TTBK2: variants seen among roughly 807,000 people sequenced by gnomAD.
The protein encoded by TTBK2 is tau-tubulin kinase 2.
A neutral mutation model predicts 110.8 loss-of-function variants in TTBK2; 28 were observed. The observed-to-expected ratio is 0.25, with a 90% CI of 0.19 to 0.35. The LOEUF is 0.35. Ranked by LOEUF, TTBK2 falls within the 10% of genes least tolerant of loss-of-function variation. The pLI is 1.00. For synonymous variants in TTBK2, 532 were observed against 527.3 expected, an observed-to-expected ratio of 1.01 and a Z score of -0.12; for missense variants, 1,369 against 1,500.3, an observed-to-expected ratio of 0.91 and a Z score of 1.45.
chr15:42,910,808 G>T lies in TTBK2; in HGVS notation c.-68+9630C>A, dbSNP rs142696672. On this transcript the variant is annotated intron_variant, in intron 1 of 14. Transcript: ENST00000267890. Reference sequence around the variant, plus strand: ...TGCCTGTAATCCCAGCACTTTGGGAGGCCGAGACAGGCAGATCACGAGGTG... The same window carrying T: ...TGCCTGTAATCCCAGCACTTTGGGATGCCGAGACAGGCAGATCACGAGGTG... 8.2e-3 allele frequency among the ~76,000 whole-genome samples: 1,254 copies of T among 152,244 alleles called. 15 individuals are homozygous for T. The highest frequency in any genetic ancestry group is 0.027 in the African/African-American group (1,118 of 41,556).
chr15:42,764,549 G>A (rs1197458433), intron 13 of TTBK2, among the ~76,000 whole-genome samples: 4 of 152,276 alleles, frequency 2.6e-5, no homozygotes, highest in Non-Finnish European at 4.4e-5. Context: ...CAGCCTGGCA[G>A]GGGGAGGGGC....
intron 4 of TTBK2, among the ~76,000 whole-genome samples, chr15:42,833,747 C>T (rs1045371692): frequency 4.6e-5 from 7 of 152,110 alleles, no homozygotes; most frequent in African/African-American, 1.7e-4. Flanking sequence ...TGGTGGCTCA[C>T]ATCTGCAATC....
At chr15:42,863,960 C>T (rs1471193034) in intron 3 of TTBK2, among the ~76,000 whole-genome samples, 2 of 152,090 alleles carry the variant, frequency 1.3e-5, no homozygotes, top group Non-Finnish European at 2.9e-5. Context: ...TAAATGTAAG[C>T]CTTCAAAGTA....
intron 13 of TTBK2, among the ~76,000 whole-genome samples, chr15:42,763,988 T>A (rs1889233300): frequency 6.6e-6 from 1 of 152,190 alleles, no homozygotes; most frequent in Non-Finnish European, 1.5e-5. Flanking sequence ...ACAACTCATA[T>A]CCAAAGAATA....
intron 3 of TTBK2, among the ~76,000 whole-genome samples, chr15:42,862,367 C>T (rs1333957607): frequency 6.6e-6 from 1 of 152,124 alleles, no homozygotes; most frequent in East Asian, 1.9e-4. Context: ...TCCAGCAGCA[C>T]ATCCAAAAGT....
At chr15:42,817,144 A>G (rs753423282) in intron 6 of TTBK2, 47 bp from the exon 7 acceptor site, 1 of 1,531,044 alleles carries the variant, frequency 6.5e-7, no homozygotes, top group Non-Finnish European at 8.9e-7. Flanking sequence ...TCAAACAGCA[A>G]TACATTCAGC....
At chr15:42,872,907 C>A in intron 2 of TTBK2, 149 bp from the exon 3 acceptor site, 1 of 1,004,160 alleles carries the variant, frequency 1.0e-6, no homozygotes, top group Non-Finnish European at 1.4e-6. Context: ...TATGTATATG[C>A]CAAGAAGAAA....
rs1357446262 is a variant in TTBK2, at chr15:42,744,486, C to T, written c.*1309G>A. The T allele has an allele frequency of 1.3e-5, 2 of 152,156 alleles. No homozygotes were observed. Among genetic ancestry groups the T allele is most frequent in the African/African-American group, 4.8e-5 (2 of 41,414 alleles). The allele number at this position is 152,156 out of a possible 1,614,324, so 9.4% of individuals were successfully genotyped here. On this transcript the variant is annotated 3_prime_UTR_variant, in exon 15 of 15. Coordinates refer to ENST00000267890, the MANE Select transcript of TTBK2 (RefSeq NM_173500.4). ...AATAAGGTCTTTACAACACAAAACA[C>T]CTAGAGAGTATAAAAACAGCCCATT...
intron 1 of TTBK2, among the ~76,000 whole-genome samples, chr15:42,883,326 G>A (rs984952495): frequency 1.5e-4 from 21 of 143,214 alleles, no homozygotes; most frequent in Non-Finnish European, 2.2e-4. Flanking sequence ...GCGGTGAGCC[G>A]AAATTGTGCC....
chr15:42,788,896 A>G (rs1890522420), intron 10 of TTBK2, among the ~76,000 whole-genome samples: 1 of 152,076 alleles, frequency 6.6e-6, no homozygotes, highest in Non-Finnish European at 1.5e-5. Flanking sequence ...CTGCTGTAGT[A>G]TTTTACTTCC....
At chr15:42,761,855 C>T (rs1915242) in intron 13 of TTBK2, among the ~76,000 whole-genome samples, 18,160 of 152,144 alleles carry the variant, frequency 0.12, 2,867 homozygotes, top group African/African-American at 0.36. Flanking sequence ...GTGGGTGTAA[C>T]GGTTTGGCTG....
intron 1 of TTBK2, among the ~76,000 whole-genome samples, chr15:42,898,373 C>T (rs745704500): frequency 2.0e-5 from 3 of 151,882 alleles, no homozygotes; most frequent in Admixed American, 1.3e-4. Context: ...GGCAAAACTC[C>T]GTCTCTAAAG....
intron 3 of TTBK2, among the ~76,000 whole-genome samples, chr15:42,846,782 G>T (rs966562420): frequency 6.6e-6 from 1 of 152,156 alleles, no homozygotes; most frequent in Admixed American, 6.5e-5. Flanking sequence ...GAGAGGATTG[G>T]AACTTTCAGC....
At chr15:42,916,180 G>C (rs1301530138) in intron 1 of TTBK2, among the ~76,000 whole-genome samples, 1 of 152,068 alleles carries the variant, frequency 6.6e-6, no homozygotes, top group Non-Finnish European at 1.5e-5. Context: ...TCCTAATCTA[G>C]TTTATTATCT....
chr15:42,877,128 T>C (rs1894846904), intron 2 of TTBK2, among the ~76,000 whole-genome samples: 2 of 152,184 alleles, frequency 1.3e-5, no homozygotes. Flanking sequence ...AAACTTGTCC[T>C]TATAGATACA....
At chr15:42,863,316 C>T (rs1486797685) in intron 3 of TTBK2, among the ~76,000 whole-genome samples, 2 of 151,718 alleles carry the variant, frequency 1.3e-5, no homozygotes, top group East Asian at 1.9e-4. Context: ...GTTTAAATAG[C>T]CACCAAAAAA....
intron 6 of TTBK2, among the ~76,000 whole-genome samples, chr15:42,820,104 G>A (rs888568834): frequency 3.3e-5 from 5 of 152,160 alleles, no homozygotes; most frequent in African/African-American, 9.7e-5. Context: ...GAAATCAGCT[G>A]TTTAGAGAAA....
At chr15:42,880,952 C>G (rs1327901501) in intron 1 of TTBK2, among the ~76,000 whole-genome samples, 1 of 151,916 alleles carries the variant, frequency 6.6e-6, no homozygotes, top group African/African-American at 2.4e-5. Flanking sequence ...CCATTGCATC[C>G]ATTGCATACT....
chr15:42,840,309 T>A, intron 4 of TTBK2, 51 bp downstream of exon 4: 1 of 1,447,574 alleles, frequency 6.9e-7, no homozygotes, highest in African/African-American at 1.4e-5. Context: ...TGTAATTGTA[T>A]ACTTTGATCA....
Sources: gnomAD v4.1 joint callset for allele counts (sites outside exome capture counted in the v4.1 genomes callset) on GRCh38, gnomAD v4.1.1 for gene constraint, MANE v1.5 for transcripts, NCBI Gene and HGNC (gene_info 2026-07-23, HGNC 2026-07-21) for gene names.